Variants in MROH2B observed in about 807,000 individuals in gnomAD.
MROH2B encodes maestro heat like repeat family member 2B, also known as maestro heat-like repeat-containing protein family member 2B.
In MROH2B, 177 loss-of-function variants were observed where a neutral mutation model predicts 208.6. That is an observed-to-expected ratio of 0.85 (90% CI 0.75 to 0.96). The LOEUF (loss-of-function observed/expected upper bound fraction) is 0.96. Ranked by LOEUF, MROH2B falls within the 40% of genes least tolerant of loss-of-function variation. MROH2B has a pLI of 0.00. For missense variants in MROH2B, 2,002 were observed against 1,878.7 expected (o/e 1.07, Z -1.21); for synonymous variants, 728 against 659.0 (o/e 1.10, Z -1.60).
At chr5:41,060,241 A>G (rs1446802883) in intron 6 of MROH2B, among the ~76,000 whole-genome samples, 2 of 152,104 alleles carry the variant, frequency 1.3e-5, no homozygotes, top group Non-Finnish European at 2.9e-5. Context: ...GAGCTGGAAT[A>G]TTTCTATAGC....
chr5:41,064,313 T>C lies in MROH2B; in HGVS notation c.460+159A>G, dbSNP rs115740184. 3.5e-3 allele frequency among the ~76,000 whole-genome samples: 537 copies of C among 152,364 alleles called. 3 individuals are homozygous for C. Among genetic ancestry groups the C allele is most frequent in the African/African-American group, 0.012 (518 of 41,580 alleles). ...GTGATGATTGAATGAGATAACTCCCTGCTGAGGACTTTCCATGTGGTAGGC... is the reference window on the plus strand; with the variant it reads ...GTGATGATTGAATGAGATAACTCCCCGCTGAGGACTTTCCATGTGGTAGGC... On this transcript the variant is annotated intron_variant, in intron 5 of 41. Transcript: ENST00000399564.
chr5:41,047,880 C>G lies in MROH2B; in HGVS notation c.1685-116G>C, dbSNP rs144653808. On this transcript the variant is annotated intron_variant, in intron 16 of 41. Coordinates refer to ENST00000399564, the MANE Select transcript of MROH2B (RefSeq NM_173489.5). ...TTCTATTTTAAGCTTTCTTTTTGCT[C>G]ATAATGCTTATTTGAGATCAAATTT... 94 of 859,096 alleles carry G rather than the reference C, an allele frequency of 1.1e-4. 1 individual carries two copies. In the African/African-American group the frequency reaches 1.3e-3, roughly 12 times the overall value. The allele number at this position is 859,096 out of a possible 1,614,324, so 53.2% of individuals were successfully genotyped here. A position where few individuals can be genotyped will look rare whatever the true frequency, so the allele number is the denominator to read the frequency against.
chr5:41,020,831 C>T (rs528470482), intron 24 of MROH2B, among the ~76,000 whole-genome samples: 46 of 152,214 alleles, frequency 3.0e-4, no homozygotes, highest in African/African-American at 1.0e-3. Context: ...AAGCTTATAG[C>T]TAACATTATA....
intron 28 of MROH2B, 59 bp from the exon 29 acceptor site, chr5:41,015,537 G>A (rs1267331135): frequency 1.3e-6 from 2 of 1,485,448 alleles, no homozygotes; most frequent in South Asian, 2.4e-5. Flanking sequence ...GGGTTGAAGA[G>A]GCTGGCTATA....
At chr5:41,030,828 A>G (rs1009760621) in intron 24 of MROH2B, among the ~76,000 whole-genome samples, 5 of 152,140 alleles carry the variant, frequency 3.3e-5, no homozygotes, top group African/African-American at 1.2e-4. Context: ...TTAGCCAACA[A>G]TATGAATGTA....
chr5:40,998,448 T>C (rs1741279504), intron 41 of MROH2B, among the ~76,000 whole-genome samples, 164 bp downstream of exon 41: 2 of 152,196 alleles, frequency 1.3e-5, no homozygotes, highest in African/African-American at 4.8e-5. Context: ...GAGCTGGAGA[T>C]TGCTTTGTAC....
At chr5:41,059,248 T>C (rs1331115623) in intron 6 of MROH2B, among the ~76,000 whole-genome samples, 2 of 152,038 alleles carry the variant, frequency 1.3e-5, no homozygotes, top group Non-Finnish European at 2.9e-5. Context: ...GTGTGGAAAA[T>C]CATCAACTTC....
chr5:41,043,249 A>T (rs1430290284), intron 18 of MROH2B, among the ~76,000 whole-genome samples: 1 of 152,132 alleles, frequency 6.6e-6, no homozygotes, highest in East Asian at 1.9e-4. Flanking sequence ...TGTTATCTCA[A>T]CTCCCAGAGT....
intron 41 of MROH2B, 92 bp from the exon 42 acceptor site, chr5:40,998,250 G>T: frequency 1.0e-6 from 1 of 987,980 alleles, no homozygotes; most frequent in Non-Finnish European, 1.6e-6. Context: ...TTTTAGCACT[G>T]AGGGTCAGAC....
intron 24 of MROH2B, among the ~76,000 whole-genome samples, chr5:41,027,872 G>A (rs1742429336): frequency 6.6e-6 from 1 of 152,138 alleles, no homozygotes; most frequent in South Asian, 2.1e-4. Flanking sequence ...CAAATGATGA[G>A]TTCATGTCCT....
intron 24 of MROH2B, among the ~76,000 whole-genome samples, chr5:41,025,616 G>A (rs1000426351): frequency 1.2e-4 from 19 of 152,238 alleles, no homozygotes; most frequent in East Asian, 9.6e-4. Flanking sequence ...ACAAGGAGGA[G>A]CCGGTACCAT....
chr5:41,000,705 A>G lies in MROH2B; in HGVS notation c.4323T>C (p.Leu1441=). Reference sequence around the variant, plus strand: ...CTCCAATCTTGGGGTTGGGATCCCAAAGGTGCAGAAGGAATGAAATCAGGC... The same window carrying G: ...CTCCAATCTTGGGGTTGGGATCCCAGAGGTGCAGAAGGAATGAAATCAGGC... ...KKSLISFLLH[L]WDPNPKIGVA... The change falls in exon 38 of 42, where the codon CTT becomes CTC. Residue 1441 remains leucine (L), a synonymous_variant. Coordinates refer to ENST00000399564, the MANE Select transcript of MROH2B (RefSeq NM_173489.5). The G allele has an allele frequency of 6.2e-7, 1 of 1,612,210 alleles. No individual in the cohort carries two copies. The highest frequency in any genetic ancestry group is 1.1e-5 in the South Asian group (1 of 90,566).
rs1743737388 is a variant in MROH2B at position 41,064,485 on chromosome 5, C to T, written c.447G>A (p.Gly149=). The change falls in exon 5 of 42, where the codon GGG becomes GGA. Residue 149 remains glycine, a synonymous_variant. Coordinates refer to ENST00000399564, the MANE Select transcript of MROH2B (RefSeq NM_173489.5). The part of the protein sequence containing the change: ...LRLAEDERMK[G]TFCIALEKFS... ...CGGGATACCCACCAATACAGAAAGT[C>T]CCCTTCATCCTTTCATCCTCGGCCA... 6.2e-7 allele frequency: 1 copy of T among 1,613,046 alleles called. No individual in the cohort carries two copies.
intron 20 of MROH2B, 99 bp from the exon 21 acceptor site, chr5:41,038,987 G>A: frequency 9.3e-7 from 1 of 1,072,494 alleles, no homozygotes; most frequent in East Asian, 2.4e-5. Context: ...TAGGGGATAA[G>A]AAACTGGACT....
intron 18 of MROH2B, among the ~76,000 whole-genome samples, chr5:41,044,056 G>A (rs1035498765): frequency 1.1e-4 from 17 of 149,092 alleles, no homozygotes; most frequent in African/African-American, 3.7e-4. Context: ...TGGCTAACAT[G>A]GTGAAACCCC....
intron 11 of MROH2B, among the ~76,000 whole-genome samples, chr5:41,054,370 T>C (rs188379569): frequency 2.6e-3 from 399 of 152,312 alleles, no homozygotes; most frequent in Non-Finnish European, 4.2e-3. Flanking sequence ...AGGATGTCTA[T>C]GCTAAGACCA....
At chr5:41,025,805 G>A (rs1742336905) in intron 24 of MROH2B, among the ~76,000 whole-genome samples, 1 of 152,122 alleles carries the variant, frequency 6.6e-6, no homozygotes, top group South Asian at 2.1e-4. Flanking sequence ...CTGGCAAACT[G>A]AATCCAGCAG....
chr5:41,011,926 C>T (rs1741786706), intron 30 of MROH2B, among the ~76,000 whole-genome samples: 1 of 152,182 alleles, frequency 6.6e-6, no homozygotes, highest in South Asian at 2.1e-4. Flanking sequence ...CCTTGGCCTC[C>T]CAAAGTGCTG....
Position 41,069,678 on chromosome 5 carries a change from C to A in MROH2B, c.90+13G>T. 1 of 1,586,496 alleles carries A rather than the reference C, an allele frequency of 6.3e-7. No homozygotes were observed. ...CTGAAAAAGGGAAAAAGATTTTTCT[C>A]TGTTTTCCCTACCTTGTTAACAATA... On this transcript the variant is annotated intron_variant, in intron 2 of 41. Transcript: ENST00000399564.
Sources: allele counts gnomAD v4.1 joint callset (sites outside exome capture counted in the v4.1 genomes callset), GRCh38; gene constraint gnomAD v4.1.1; transcripts MANE v1.5; gene names NCBI Gene and HGNC (gene_info 2026-07-23, HGNC 2026-07-21).